AGBL1: variants seen among roughly 807,000 people sequenced by gnomAD.
AGBL1 encodes cytosolic carboxypeptidase 4.
In AGBL1, 130 loss-of-function variants were observed where a neutral mutation model predicts 118.9. That is an observed-to-expected ratio of 1.09 (90% CI 0.95 to 1.26). The LOEUF is 1.26. Among genes scored for constraint, AGBL1 ranks in the 50% most tolerant of loss-of-function variants. AGBL1 has a pLI of 0.00. For missense variants in AGBL1, 1,584 were observed against 1,298.1 expected (o/e 1.22, Z -3.38); for synonymous variants, 555 against 478.9 (o/e 1.16, Z -2.08).
At chr15:86,085,828 C>T (rs1327216285) in intron 1 of AGBL1, among the ~76,000 whole-genome samples, 1 of 152,174 alleles carries the variant, frequency 6.6e-6, no homozygotes, top group East Asian at 1.9e-4. Flanking sequence ...ATTCAGATAG[C>T]ATTCAGATGT....
At chr15:86,838,941 TAAAAAAA>T (rs386383698) in intron 22 of AGBL1, among the ~76,000 whole-genome samples, 14 of 48,006 alleles carry the variant, frequency 2.9e-4, no homozygotes, top group East Asian at 7.9e-4. Flanking sequence ...TGAGATCCTG[TAAAAAAA>T]AAAAAAAAAA....
intron 21 of AGBL1, among the ~76,000 whole-genome samples, chr15:86,587,201 G>A (rs2084262563): frequency 6.6e-6 from 1 of 152,138 alleles, no homozygotes; most frequent in Admixed American, 6.5e-5. Context: ...CTACAGATGA[G>A]GAAACTGAGG....
At chr15:86,372,613 C>T (rs747393449) in intron 17 of AGBL1, among the ~76,000 whole-genome samples, 3 of 152,334 alleles carry the variant, frequency 2.0e-5, no homozygotes, top group South Asian at 2.1e-4. Context: ...TAGTTCATTC[C>T]GATTTGGAAT....
At chr15:86,981,456 G>A (rs932777879) in intron 23 of AGBL1, among the ~76,000 whole-genome samples, 4 of 152,116 alleles carry the variant, frequency 2.6e-5, no homozygotes, top group African/African-American at 9.7e-5. Context: ...TTACTTATAA[G>A]AAATGTCTTT....
chr15:86,189,696 G>T (rs1339845734), intron 5 of AGBL1, among the ~76,000 whole-genome samples: 1 of 152,108 alleles, frequency 6.6e-6, no homozygotes, highest in East Asian at 1.9e-4. Context: ...GCCATGAGAG[G>T]AAGCTTCTGG....
chr15:86,151,295 T>A (rs2077106274), intron 3 of AGBL1, among the ~76,000 whole-genome samples: 3 of 126,238 alleles, frequency 2.4e-5, no homozygotes, highest in East Asian at 2.5e-4. Flanking sequence ...AAACTTAAAG[T>A]GTAATTAAAA....
chr15:86,664,666 G>T (rs1364868918), intron 21 of AGBL1, among the ~76,000 whole-genome samples: 1 of 152,064 alleles, frequency 6.6e-6, no homozygotes, highest in Non-Finnish European at 1.5e-5. Context: ...GGGGAATCTA[G>T]GTGATACCAG....
intron 1 of AGBL1, among the ~76,000 whole-genome samples, chr15:86,125,110 T>G (rs1410422126): frequency 6.6e-6 from 1 of 152,188 alleles, no homozygotes; most frequent in Non-Finnish European, 1.5e-5. Flanking sequence ...TCAGTCATGG[T>G]GAATGTGTGC....
chr15:86,766,721 C>CA (rs557728747), intron 22 of AGBL1, among the ~76,000 whole-genome samples: 405 of 151,992 alleles, frequency 2.7e-3, no homozygotes, highest in Non-Finnish European at 4.5e-3. Flanking sequence ...GAGATACTGT[C>CA]AAAAAGACAC....
At chr15:86,743,696 C>G (rs2077713568) in intron 22 of AGBL1, among the ~76,000 whole-genome samples, 1 of 152,036 alleles carries the variant, frequency 6.6e-6, no homozygotes, top group African/African-American at 2.4e-5. Flanking sequence ...AAAGAAGACC[C>G]CAAGGGGATT....
chr15:86,845,049 G>C (rs1465717541), intron 22 of AGBL1, among the ~76,000 whole-genome samples: 1 of 152,078 alleles, frequency 6.6e-6, no homozygotes, highest in African/African-American at 2.4e-5. Flanking sequence ...CTTTTATGCA[G>C]TGCTTGCTGT....
chr15:86,606,219 G>T (rs2084575802), intron 21 of AGBL1, among the ~76,000 whole-genome samples: 1 of 151,812 alleles, frequency 6.6e-6, no homozygotes, highest in Non-Finnish European at 1.5e-5. Flanking sequence ...TACAGACTAA[G>T]GTCTGAGATT....
At chr15:86,735,424 A>AAC (rs1230674845) in intron 22 of AGBL1, among the ~76,000 whole-genome samples, 2 of 151,950 alleles carry the variant, frequency 1.3e-5, no homozygotes, top group African/African-American at 4.8e-5. Flanking sequence ...ACAACTTAAA[A>AAC]ACACACACAC....
At chr15:86,113,774 TGCC>T (rs1043979690) in intron 1 of AGBL1, among the ~76,000 whole-genome samples, 1 of 152,222 alleles carries the variant, frequency 6.6e-6, no homozygotes, top group Non-Finnish European at 1.5e-5. Context: ...AAATAGGGAA[TGCC>T]ACTTCCCAAT....
At chr15:86,591,903 G>T (rs1247874844) in intron 21 of AGBL1, among the ~76,000 whole-genome samples, 1 of 152,094 alleles carries the variant, frequency 6.6e-6, no homozygotes, top group East Asian at 1.9e-4. Flanking sequence ...GCTACCTAGG[G>T]GCTGCCAGTC....
chr15:86,757,571 G>T (rs771443641), intron 22 of AGBL1, among the ~76,000 whole-genome samples: 9 of 152,074 alleles, frequency 5.9e-5, no homozygotes, highest in Non-Finnish European at 1.0e-4. Flanking sequence ...TAAGTGACTT[G>T]TCCAAGATTC....
intron 18 of AGBL1, among the ~76,000 whole-genome samples, chr15:86,428,674 C>T (rs113418036): frequency 1.6e-4 from 24 of 152,290 alleles, no homozygotes; most frequent in Admixed American, 5.2e-4. Context: ...ATATTGACCA[C>T]TGGGGCTGTT....
At chr15:86,977,606 T>C (rs1050146194) in intron 23 of AGBL1, among the ~76,000 whole-genome samples, 1 of 152,020 alleles carries the variant, frequency 6.6e-6, no homozygotes, top group African/African-American at 2.4e-5. Context: ...ATTGCAATTA[T>C]AGATGAGATT....
intron 21 of AGBL1, among the ~76,000 whole-genome samples, chr15:86,629,742 G>GAA (rs147469297): frequency 6.6e-6 from 1 of 151,406 alleles, no homozygotes; most frequent in Non-Finnish European, 1.5e-5. Context: ...AAAGAAACAG[G>GAA]AAAAAAAACC....
Sources: allele counts gnomAD v4.1 joint callset (sites outside exome capture counted in the v4.1 genomes callset), GRCh38; gene constraint gnomAD v4.1.1; transcripts MANE v1.5; gene names NCBI Gene and HGNC (gene_info 2026-07-23, HGNC 2026-07-21).